Variants in KIAA0825 observed in about 807,000 individuals in gnomAD.
KIAA0825 encodes the protein KIAA0825.
Under a neutral mutation model 147.6 loss-of-function variants are expected in KIAA0825, and 119 were observed. The ratio of observed to expected loss-of-function variants is 0.81; its 90% CI spans 0.69 to 0.94. KIAA0825 has a LOEUF of 0.94. Ranked by LOEUF, KIAA0825 falls within the 40% of genes least tolerant of loss-of-function variation. The probability of loss-of-function intolerance (pLI) is 0.00; values close to 1 mark genes in which losing one functional copy is unlikely to be tolerated. For missense variants in KIAA0825, 1,381 were observed against 1,472.7 expected, an observed-to-expected ratio of 0.94 and a Z score of 1.02; for synonymous variants, 470 against 518.1, an observed-to-expected ratio of 0.91 and a Z score of 1.26.
At chr5:94,466,589 T>C (rs1164577674) in intron 10 of KIAA0825, among the ~76,000 whole-genome samples, 2 of 151,692 alleles carry the variant, frequency 1.3e-5, no homozygotes, top group Non-Finnish European at 2.9e-5. Flanking sequence ...ATACAAAAAT[T>C]AGCTGGGCGT....
intron 20 of KIAA0825, among the ~76,000 whole-genome samples, chr5:94,370,932 CAA>C (rs983094362): frequency 6.6e-6 from 1 of 151,352 alleles, no homozygotes; most frequent in Non-Finnish European, 1.5e-5. Context: ...CAAAACAAAA[CAA>C]AACAAAAAAA....
intron 5 of KIAA0825, among the ~76,000 whole-genome samples, chr5:94,502,145 A>G (rs1765169829): frequency 6.6e-6 from 1 of 152,126 alleles, no homozygotes; most frequent in African/African-American, 2.4e-5. Flanking sequence ...GGTAAGGTAA[A>G]TAAGACCTAA....
intron 1 of KIAA0825, among the ~76,000 whole-genome samples, chr5:94,615,875 G>A (rs995912581): frequency 1.3e-5 from 2 of 151,976 alleles, no homozygotes; most frequent in Admixed American, 1.3e-4. Flanking sequence ...AGGCTAGAGT[G>A]CAGTAGTATG....
intron 20 of KIAA0825, among the ~76,000 whole-genome samples, chr5:94,358,580 A>C (rs1238096419): frequency 2.0e-5 from 3 of 152,154 alleles, no homozygotes; most frequent in African/African-American, 7.2e-5. Context: ...CTCTACATAC[A>C]TGGGGCAAAG....
intron 20 of KIAA0825, among the ~76,000 whole-genome samples, chr5:94,356,168 T>G (rs1784225708): frequency 6.6e-6 from 1 of 152,178 alleles, no homozygotes; most frequent in Admixed American, 6.5e-5. Flanking sequence ...TTCAATGTTT[T>G]AAAAATTAAT....
intron 1 of KIAA0825, among the ~76,000 whole-genome samples, chr5:94,590,980 C>G (rs915138424): frequency 6.6e-6 from 1 of 152,116 alleles, no homozygotes; most frequent in Non-Finnish European, 1.5e-5. Context: ...GTACACATTA[C>G]GTTAAAACTG....
rs1410492343 is a variant in KIAA0825, at chr5:94,409,748, AG to A, written c.2663-5956del. 4.6e-5 allele frequency among the ~76,000 whole-genome samples: 7 copies of A among 152,244 alleles called. No homozygotes were observed. In the East Asian group the frequency reaches 1.3e-3, roughly 29 times the overall value. Reference sequence around the variant, plus strand: ...TCTGACATTCAAAGGACACCTAAAAAGGTAATGTTTCAGTAAATGGGCTAAA... The same window carrying A: ...TCTGACATTCAAAGGACACCTAAAAAGTAATGTTTCAGTAAATGGGCTAAA... On this transcript the variant is annotated intron_variant, in intron 15 of 20. Transcript: ENST00000682413.
chr5:94,274,368 G>A (rs1247913351), intron 20 of KIAA0825, among the ~76,000 whole-genome samples: 1 of 152,068 alleles, frequency 6.6e-6, no homozygotes, highest in African/African-American at 2.4e-5. Flanking sequence ...GTCAATTTTA[G>A]CAGTTTTACT....
intron 2 of KIAA0825, among the ~76,000 whole-genome samples, chr5:94,541,165 C>A (rs747410115): frequency 6.6e-6 from 1 of 152,168 alleles, no homozygotes; most frequent in African/African-American, 2.4e-5. Flanking sequence ...AACTGTACAA[C>A]TTGCCTGTTT....
In KIAA0825 at chr5:94,258,883, A is replaced by C. The variant is rs555907183; in HGVS notation, c.3711-104759T>G. 2.6e-5 allele frequency among the ~76,000 whole-genome samples: 4 copies of C among 152,162 alleles called. No homozygotes were observed. In the East Asian group the frequency reaches 7.7e-4, roughly 29 times the overall value. ...TTGCATAAAAATGAACCACTTTATT[A>C]TAAATAGAAGGTTGCTATGCCATTT... is the stretch of plus-strand genomic sequence containing the variant. On this transcript the variant is annotated intron_variant, in intron 20 of 20. Coordinates refer to ENST00000682413, the MANE Select transcript of KIAA0825 (RefSeq NM_001145678.3).
At chr5:94,221,270 C>T (rs1407690878) in intron 20 of KIAA0825, among the ~76,000 whole-genome samples, 1 of 152,140 alleles carries the variant, frequency 6.6e-6, no homozygotes, top group African/African-American at 2.4e-5. Context: ...TCATCCTTCT[C>T]TAGGAGTTGC....
chr5:94,384,585 C>G (rs1748890282), intron 19 of KIAA0825, 127 bp from the exon 20 acceptor site: 1 of 646,278 alleles, frequency 1.5e-6, no homozygotes. Flanking sequence ...AGGACTTAGA[C>G]AGATAACATC....
chr5:94,226,170 C>T (rs562624554), intron 20 of KIAA0825, among the ~76,000 whole-genome samples: 2 of 151,772 alleles, frequency 1.3e-5, no homozygotes, highest in African/African-American at 4.8e-5. Flanking sequence ...TTTACAAGAA[C>T]AAAACAAAAC....
intron 1 of KIAA0825, among the ~76,000 whole-genome samples, chr5:94,617,608 C>T (rs1028999888): frequency 5.9e-5 from 9 of 152,026 alleles, no homozygotes; most frequent in African/African-American, 9.7e-5. Context: ...CTGCCTTTTA[C>T]GGGGGTTGGT....
chr5:94,263,546 G>A (rs978103838), intron 20 of KIAA0825, among the ~76,000 whole-genome samples: 1 of 152,106 alleles, frequency 6.6e-6, no homozygotes, highest in Admixed American at 6.6e-5. Context: ...AATGACTCCT[G>A]AGTGTATGTT....
chr5:94,153,891 A>C lies in KIAA0825; in HGVS notation c.*116T>G, dbSNP rs1387719463. The C allele has an allele frequency of 4.6e-6, 3 of 647,208 alleles. No homozygotes were observed. Among genetic ancestry groups the C allele is most frequent in the Non-Finnish European group, 8.3e-6 (3 of 362,924 alleles). The allele number at this position is 647,208 out of a possible 1,614,324, so 40.1% of individuals were successfully genotyped here. On this transcript the variant is annotated 3_prime_UTR_variant, in exon 21 of 21. Transcript: ENST00000682413. ...TTCCTTTTCAGTACAGAGATTACTC[A>C]GTCATTGGTTTCATGCTTCACAGCA... is the stretch of plus-strand genomic sequence containing the variant.
At chr5:94,452,537 T>G (rs142429369) in intron 13 of KIAA0825, among the ~76,000 whole-genome samples, 1 of 152,328 alleles carries the variant, frequency 6.6e-6, no homozygotes, top group African/African-American at 2.4e-5. Flanking sequence ...TTTTAAGTGC[T>G]GTTAATTAAA....
intron 20 of KIAA0825, among the ~76,000 whole-genome samples, chr5:94,155,313 G>T (rs1229781067): frequency 6.7e-6 from 1 of 149,492 alleles, no homozygotes; most frequent in African/African-American, 2.5e-5. Flanking sequence ...GACCTCTTGA[G>T]ATCAAGTGAT....
intron 5 of KIAA0825, among the ~76,000 whole-genome samples, chr5:94,496,166 G>A (rs1403961179): frequency 6.6e-6 from 1 of 152,128 alleles, no homozygotes; most frequent in Non-Finnish European, 1.5e-5. Flanking sequence ...AGCCTATTTT[G>A]GTGCAGTTGG....
Sources: gnomAD v4.1 joint callset for allele counts (sites outside exome capture counted in the v4.1 genomes callset) on GRCh38, gnomAD v4.1.1 for gene constraint, MANE v1.5 for transcripts, NCBI Gene and HGNC (gene_info 2026-07-23, HGNC 2026-07-21) for gene names.